ZRANB3: variants seen among roughly 807,000 people sequenced by gnomAD.
The protein encoded by ZRANB3 is DNA annealing helicase and endonuclease ZRANB3.
A neutral mutation model predicts 133.8 loss-of-function variants in ZRANB3; 125 were observed. That is an observed-to-expected ratio of 0.93 (90% confidence interval 0.81 to 1.08). ZRANB3 has a LOEUF of 1.08. ZRANB3 is among the 50% of genes least tolerant of loss of function. The pLI is 0.00. For missense variants in ZRANB3, 1,229 were observed against 1,275.5 expected, an observed-to-expected ratio of 0.96 and a Z score of 0.56; for synonymous variants, 387 against 432.7, an observed-to-expected ratio of 0.89 and a Z score of 1.31.
chr2:135,306,590 CCTT>C, intron 8 of ZRANB3, among the ~76,000 whole-genome samples: 1 of 136,556 alleles, frequency 7.3e-6, no homozygotes, highest in East Asian at 2.3e-4. Flanking sequence ...CCGCACCCGG[CCTT>C]TTTTTTTTTT....
In ZRANB3 at chr2:135,275,635, C is replaced by T. The variant is rs1327127218; in HGVS notation, c.1086+1G>A. ...TATTTAGTTAAAAAATGGCAACATA[C>T]CTTATTTTCGATGACTGCTTCTGTG... is the stretch of plus-strand genomic sequence containing the variant. On this transcript the variant is annotated splice_donor_variant, in intron 9 of 20. Coordinates refer to ENST00000264159, the MANE Select transcript of ZRANB3 (RefSeq NM_032143.4). LOFTEE classifies it high-confidence loss of function. The T allele has an allele frequency of 1.9e-6, 3 of 1,579,104 alleles. No individual in the cohort carries two copies. Among genetic ancestry groups the T allele is most frequent in the Admixed American group, 3.6e-5 (2 of 54,868 alleles).
intron 12 of ZRANB3, among the ~76,000 whole-genome samples, chr2:135,231,621 C>G (rs915742381): frequency 6.6e-5 from 10 of 151,966 alleles, no homozygotes; most frequent in Non-Finnish European, 2.9e-5. Flanking sequence ...AAACAAAAAA[C>G]AAACCCCAAA....
chr2:135,229,434 C>T (rs1017396284), intron 13 of ZRANB3, among the ~76,000 whole-genome samples: 11 of 148,070 alleles, frequency 7.4e-5, no homozygotes, highest in African/African-American at 2.5e-4. Context: ...GTGGCGCGAT[C>T]TCGGCTCACT....
chr2:135,431,707 GTCA>G (rs1689329291), intron 2 of ZRANB3, among the ~76,000 whole-genome samples: 1 of 152,088 alleles, frequency 6.6e-6, no homozygotes. Context: ...AGACAATGTT[GTCA>G]TCATCTTTAG....
intron 2 of ZRANB3, among the ~76,000 whole-genome samples, chr2:135,431,109 T>TAA (rs1287289398): frequency 1.5e-5 from 2 of 134,888 alleles, no homozygotes. Context: ...ACTCTATCCC[T>TAA]AAAAAAAAAA....
At chr2:135,252,369 A>T (rs1231745515) in intron 12 of ZRANB3, among the ~76,000 whole-genome samples, 6 of 152,186 alleles carry the variant, frequency 3.9e-5, no homozygotes, top group African/African-American at 1.4e-4. Context: ...TAAAGAAAAG[A>T]TTAAAAAGAT....
chr2:135,261,076 ATTT>A (rs1225739175), intron 12 of ZRANB3, among the ~76,000 whole-genome samples: 1 of 151,172 alleles, frequency 6.6e-6, no homozygotes, highest in East Asian at 1.9e-4. Flanking sequence ...ACTGATAAAA[ATTT>A]TTGAGTCAAA....
chr2:135,508,083 C>G (rs746289447), intron 1 of ZRANB3, among the ~76,000 whole-genome samples: 2 of 152,114 alleles, frequency 1.3e-5, no homozygotes, highest in Non-Finnish European at 2.9e-5. Context: ...CACTTTGCCA[C>G]TTACATGATT....
At chr2:135,479,672 A>C (rs1052426680) in intron 2 of ZRANB3, among the ~76,000 whole-genome samples, 3 of 152,000 alleles carry the variant, frequency 2.0e-5, no homozygotes, top group African/African-American at 7.2e-5. Context: ...TCAAAAAAAA[A>C]CAAAAAAGGA....
At chr2:135,328,834 T>C (rs1023161449) in intron 6 of ZRANB3, among the ~76,000 whole-genome samples, 5 of 152,224 alleles carry the variant, frequency 3.3e-5, no homozygotes, top group Admixed American at 3.3e-4. Flanking sequence ...CATTTTTTCA[T>C]GTGTCTGTTG....
intron 2 of ZRANB3, among the ~76,000 whole-genome samples, chr2:135,499,178 G>A (rs1692823763): frequency 6.6e-6 from 1 of 151,958 alleles, no homozygotes; most frequent in Admixed American, 6.6e-5. Context: ...TCTCTCTTTT[G>A]TACTCTTTCC....
At chr2:135,265,291 C>T (rs1397110740) in intron 12 of ZRANB3, among the ~76,000 whole-genome samples, 1 of 152,064 alleles carries the variant, frequency 6.6e-6, no homozygotes, top group African/African-American at 2.4e-5. Flanking sequence ...ATAAAGATAG[C>T]CTCCTATATT....
intron 2 of ZRANB3, among the ~76,000 whole-genome samples, chr2:135,487,157 C>G (rs1692161174): frequency 6.6e-6 from 1 of 152,148 alleles, no homozygotes; most frequent in Admixed American, 6.5e-5. Flanking sequence ...CTTGGGTGAC[C>G]AGGTCCATTG....
intron 6 of ZRANB3, among the ~76,000 whole-genome samples, chr2:135,326,298 A>G (rs1193273338): frequency 6.6e-6 from 1 of 152,182 alleles, no homozygotes; most frequent in African/African-American, 2.4e-5. Flanking sequence ...GTCTCTGGTT[A>G]CATGAATAAG....
chr2:135,270,337 A>C (rs1310318377), intron 10 of ZRANB3, among the ~76,000 whole-genome samples: 1 of 152,216 alleles, frequency 6.6e-6, no homozygotes. Context: ...CTGCTAAACT[A>C]TAATGTAAGA....
intron 8 of ZRANB3, among the ~76,000 whole-genome samples, chr2:135,299,671 A>G (rs1183048284): frequency 2.0e-5 from 3 of 152,206 alleles, no homozygotes; most frequent in African/African-American, 4.8e-5. Context: ...TGATAATCTA[A>G]TAACACCACT....
chr2:135,297,174 G>A (rs944956050), intron 8 of ZRANB3, among the ~76,000 whole-genome samples: 2 of 152,246 alleles, frequency 1.3e-5, no homozygotes, highest in Non-Finnish European at 2.9e-5. Context: ...TGCCCTCAGA[G>A]GTGGAGCCTA....
intron 2 of ZRANB3, among the ~76,000 whole-genome samples, chr2:135,481,400 A>G (rs1471941316): frequency 2.0e-5 from 3 of 152,076 alleles, no homozygotes; most frequent in South Asian, 2.1e-4. Flanking sequence ...TTTTTTGGCT[A>G]CATAAATGTC....
chr2:135,418,925 C>CTTTTTTTT lies in ZRANB3; in HGVS notation c.162-28113_162-28106dup, dbSNP rs769271961. Among the ~76,000 whole-genome samples the CTTTTTTTT allele has an allele frequency of 3.3e-4, 28 of 85,898 alleles. 2 individuals are homozygous for CTTTTTTTT. Among genetic ancestry groups the CTTTTTTTT allele is most frequent in the South Asian group, 1.1e-3 (2 of 1,844 alleles). 56.4% of individuals were successfully genotyped at this position (85,898 alleles called of 152,430 possible). ...AAGTAATGAAAAATAAGGATTCTCTCTTTTTTTTTTTTTTTTTTTTTTTTT... is the reference window on the plus strand; with the variant it reads ...AAGTAATGAAAAATAAGGATTCTCTCTTTTTTTTTTTTTTTTTTTTTTTTTTTTTTTTT... On this transcript the variant is annotated intron_variant, in intron 2 of 20. Coordinates refer to ENST00000264159, the MANE Select transcript of ZRANB3 (RefSeq NM_032143.4).
Sources: gnomAD v4.1 joint callset for allele counts (sites outside exome capture counted in the v4.1 genomes callset) on GRCh38, gnomAD v4.1.1 for gene constraint, MANE v1.5 for transcripts, NCBI Gene and HGNC (gene_info 2026-07-23, HGNC 2026-07-21) for gene names.